The following BCL2L11 variants were observed in gnomAD, a reference collection of about 807,000 sequenced individuals.
BCL2L11 encodes BCL2 like 11.
Under a neutral mutation model 20.6 loss-of-function variants are expected in BCL2L11, and 15 were observed. That is an observed-to-expected ratio of 0.73 (90% CI 0.49 to 1.12). The LOEUF is 1.12. Among genes scored for constraint, BCL2L11 ranks in the 50% most tolerant of loss-of-function variants. The pLI is 0.00. For missense variants in BCL2L11, 292 were observed against 260.9 expected (o/e 1.12, Z -0.82); for synonymous variants, 108 against 92.8 (o/e 1.16, Z -0.94).
At chr2:111,135,171 A>G (rs556642083) in intron 2 of BCL2L11, among the ~76,000 whole-genome samples, 28 of 151,870 alleles carry the variant, frequency 1.8e-4, no homozygotes, top group Non-Finnish European at 1.9e-4. Flanking sequence ...GAGACTGTTC[A>G]TTTTTTTCCA....
At chr2:111,127,919 TAAATA>T (rs1559021468) in intron 2 of BCL2L11, among the ~76,000 whole-genome samples, 1 of 152,158 alleles carries the variant, frequency 6.6e-6, no homozygotes, top group Non-Finnish European at 1.5e-5. Context: ...ATATATAGGT[TAAATA>T]AAATATAAAC....
chr2:111,151,046 A>G (rs2077193878), intron 3 of BCL2L11, among the ~76,000 whole-genome samples: 2 of 152,134 alleles, frequency 1.3e-5, no homozygotes, highest in South Asian at 4.1e-4. Flanking sequence ...CTGGGATTAC[A>G]GGCGCCTGCA....
chr2:111,123,638 C>G, intron 1 of BCL2L11, 95 bp from the exon 2 acceptor site: 1 of 1,259,918 alleles, frequency 7.9e-7, no homozygotes, highest in Non-Finnish European at 1.0e-6. Flanking sequence ...TGGGATTAAC[C>G]CTAAGAATTT....
intron 2 of BCL2L11, among the ~76,000 whole-genome samples, chr2:111,139,272 C>T (rs978584888): frequency 6.6e-6 from 1 of 152,170 alleles, no homozygotes; most frequent in Non-Finnish European, 1.5e-5. Flanking sequence ...TGGAAACCTG[C>T]CCCACCCCAG....
intron 2 of BCL2L11, among the ~76,000 whole-genome samples, chr2:111,147,415 T>C (rs1253589794): frequency 6.7e-6 from 1 of 149,986 alleles, no homozygotes; most frequent in Non-Finnish European, 1.5e-5. Context: ...CTGCCAGAGC[T>C]TAGGGATGTG....
At chr2:111,140,625 T>C (rs966159551) in intron 2 of BCL2L11, among the ~76,000 whole-genome samples, 3 of 152,206 alleles carry the variant, frequency 2.0e-5, no homozygotes, top group African/African-American at 7.2e-5. Context: ...GAAGTGTATT[T>C]TCTTGTTGAT....
At chr2:111,163,861 CTTT>C (rs10547953) in intron 3 of BCL2L11, among the ~76,000 whole-genome samples, 3,563 of 104,716 alleles carry the variant, frequency 0.034, 57 homozygotes, top group East Asian at 0.14. Context: ...TTTTTGAGTG[CTTT>C]TTTTTTTTTT....
At chr2:111,136,057 C>T (rs895135313) in intron 2 of BCL2L11, among the ~76,000 whole-genome samples, 1 of 152,140 alleles carries the variant, frequency 6.6e-6, no homozygotes, top group African/African-American at 2.4e-5. Context: ...ACTCTGGCCA[C>T]GCGGTGCTGT....
Position 111,164,239 on chromosome 2 carries a change from T to C in BCL2L11, c.*8T>C, listed in dbSNP as rs2078916997. On this transcript the variant is annotated 3_prime_UTR_variant, in exon 4 of 4. Coordinates refer to ENST00000393256, the MANE Select transcript of BCL2L11 (RefSeq NM_138621.5). ...GTGTGGAGAATGCATTGACAGGTTC[T>C]TTGCGGAGCCGAGATACCATGCAGA... 6.3e-7 allele frequency: 1 copy of C among 1,589,396 alleles called. No homozygotes were observed. The highest frequency in any genetic ancestry group is 1.3e-5 in the African/African-American group (1 of 74,410).
intron 2 of BCL2L11, 61 bp downstream of exon 2, chr2:111,124,200 G>A (rs1484723522): frequency 1.4e-6 from 2 of 1,478,276 alleles, no homozygotes; most frequent in East Asian, 2.3e-5. Flanking sequence ...CTTGAAGGCT[G>A]TGTGTGGCAT....
At chr2:111,133,728 C>T (rs1248349943) in intron 2 of BCL2L11, among the ~76,000 whole-genome samples, 1 of 152,166 alleles carries the variant, frequency 6.6e-6, no homozygotes, top group African/African-American at 2.4e-5. Flanking sequence ...GTTATATATA[C>T]ATCTTTCAGA....
chr2:111,161,689 T>TG, intron 3 of BCL2L11: 1 of 1,077,964 alleles, frequency 9.3e-7, no homozygotes, highest in Non-Finnish European at 1.3e-6. Flanking sequence ...TCTTTAGTCC[T>TG]GACTTTCCAA....
chr2:111,139,330 C>T (rs1005020751), intron 2 of BCL2L11, among the ~76,000 whole-genome samples: 12 of 152,158 alleles, frequency 7.9e-5, no homozygotes, highest in African/African-American at 2.9e-4. Flanking sequence ...GGAGACGGCC[C>T]ATTTGATTTG....
intron 3 of BCL2L11, among the ~76,000 whole-genome samples, 177 bp from the exon 4 acceptor site, chr2:111,163,955 GA>G (rs1304180217): frequency 3.5e-4 from 50 of 141,470 alleles, no homozygotes; most frequent in African/African-American, 1.2e-3. Context: ...GCAGGGAAAT[GA>G]AAACAAGTTT....
At chr2:111,161,319 T>A in intron 3 of BCL2L11, 4 of 1,389,190 alleles carry the variant, frequency 2.9e-6, no homozygotes, top group Non-Finnish European at 4.0e-6. Flanking sequence ...TTTATTTTAA[T>A]AGTTTTTTAA....
At chr2:111,162,323 C>G (rs1043701176) in intron 3 of BCL2L11, among the ~76,000 whole-genome samples, 4 of 152,186 alleles carry the variant, frequency 2.6e-5, no homozygotes, top group Non-Finnish European at 4.4e-5. Flanking sequence ...CGCACACTTG[C>G]AGACTGGGAT....
rs549310342 is a variant in BCL2L11 at position 111,139,808 on chromosome 2, T to A, written c.395-10236T>A. 2.5e-4 allele frequency among the ~76,000 whole-genome samples: 38 copies of A among 152,368 alleles called. No individual in the cohort carries two copies. In the South Asian group the frequency reaches 6.8e-3, roughly 27 times the overall value. ...TCCTCTGGGAAACCAAAATGTGCTT[T>A]GTATTTTCTCTTCTCTGCCTTGGAC... is the stretch of plus-strand genomic sequence containing the variant. On this transcript the variant is annotated intron_variant, in intron 2 of 3. Coordinates refer to ENST00000393256, the MANE Select transcript of BCL2L11 (RefSeq NM_138621.5).
chr2:111,122,746 C>T (rs553480233), intron 1 of BCL2L11: 3 of 985,284 alleles, frequency 3.0e-6, no homozygotes, highest in Non-Finnish European at 3.6e-6. Flanking sequence ...GGCGGGCTGG[C>T]GGGAAGGCGC....
At chr2:111,121,368 G>A (rs1030040354) in intron 1 of BCL2L11, among the ~76,000 whole-genome samples, 180 bp downstream of exon 1, 20 of 151,978 alleles carry the variant, frequency 1.3e-4, no homozygotes, top group African/African-American at 4.4e-4. Flanking sequence ...CTCTCGGGCA[G>A]GTTCTCTTTA....
Sources: gnomAD v4.1 joint callset for allele counts (sites outside exome capture counted in the v4.1 genomes callset) on GRCh38, gnomAD v4.1.1 for gene constraint, MANE v1.5 for transcripts, NCBI Gene and HGNC (gene_info 2026-07-23, HGNC 2026-07-21) for gene names.